HAUS6: variants seen among roughly 807,000 people sequenced by gnomAD.
HAUS6 encodes HAUS augmin like complex subunit 6.
HAUS6 carries 80 observed loss-of-function variants against 106.8 expected under a neutral mutation model. That is an observed-to-expected ratio of 0.75 (90% CI 0.63 to 0.90). The LOEUF is 0.90. Ranked by LOEUF, HAUS6 falls within the 40% of genes least tolerant of loss-of-function variation. HAUS6 has a pLI of 0.00. For synonymous variants in HAUS6, 356 were observed against 379.1 expected (o/e 0.94, Z 0.71); for missense variants, 1,155 against 1,118.1 (o/e 1.03, Z -0.47).
intron 2 of HAUS6, 87 bp from the exon 3 acceptor site, chr9:19,094,482 A>T: frequency 1.3e-6 from 1 of 742,536 alleles, no homozygotes; most frequent in Non-Finnish European, 2.3e-6. Context: ...AATCAAACTT[A>T]TTTCTAATAC....
At chr9:19,089,680 T>C (rs763353771) in intron 4 of HAUS6, 121 bp from the exon 5 acceptor site, 75 of 618,968 alleles carry the variant, frequency 1.2e-4, no homozygotes, top group Admixed American at 4.0e-4. Context: ...TAAATCTGAT[T>C]GACTTTTAAA....
chr9:19,080,174 C>CAAAAAA (rs746423003), intron 9 of HAUS6, among the ~76,000 whole-genome samples: 3 of 37,544 alleles, frequency 8.0e-5, no homozygotes, highest in Admixed American at 3.0e-4. Context: ...AACTCCGTCT[C>CAAAAAA]AAAAAAAAAA....
Position 19,063,048 on chromosome 9 carries a change from C to CG in HAUS6, c.1588_1589insC (p.Ser530ThrfsTer2). 2 of 1,611,428 alleles carry CG rather than the reference C, an allele frequency of 1.2e-6. No homozygotes were observed. Among genetic ancestry groups the CG allele is most frequent in the East Asian group, 4.5e-5 (2 of 44,848 alleles). On this transcript the variant is annotated frameshift_variant, in exon 14 of 17. Coordinates refer to ENST00000380502, the MANE Select transcript of HAUS6 (RefSeq NM_017645.5). LOFTEE classifies it high-confidence loss of function. ...ATCTTGCTCTTTTTGAAATGGATCA[C>CG]TTTTTTTAGCTGGCAAAGACCCTCC...
At position 19,057,950 on chromosome 9, in the gene HAUS6, T is replaced by G. The variant is rs769508319; in HGVS notation, c.2806+11A>C. On this transcript the variant is annotated intron_variant, in intron 16 of 16. Transcript: ENST00000380502. Reference sequence around the variant, plus strand: ...AACAGGTGAATATGCATAGGTCTATTTAAACCTTACCCTTTAAATTAGGTA... The same window carrying G: ...AACAGGTGAATATGCATAGGTCTATGTAAACCTTACCCTTTAAATTAGGTA... 6.5e-7 allele frequency: 1 copy of G among 1,549,960 alleles called. No homozygotes were observed.
chr9:19,099,502 T>C (rs187713862), intron 1 of HAUS6, among the ~76,000 whole-genome samples: 114 of 152,238 alleles, frequency 7.5e-4, no homozygotes, highest in African/African-American at 2.7e-3. Flanking sequence ...CTCACTCTTG[T>C]TACCCAGGCT....
intron 14 of HAUS6, 39 bp from the exon 15 acceptor site, chr9:19,060,262 G>A (rs1251681957): frequency 1.4e-6 from 2 of 1,464,480 alleles, no homozygotes; most frequent in Admixed American, 2.7e-5. Flanking sequence ...AGATTACCAA[G>A]CCCATTGGTA....
At chr9:19,057,319 A>G (rs1181747297) in intron 16 of HAUS6, 3 of 152,252 alleles carry the variant, frequency 2.0e-5, no homozygotes, top group African/African-American at 7.2e-5. Context: ...CCATGTGACA[A>G]TGGAGGCAAA....
At chr9:19,088,605 T>G (rs1478603583) in intron 5 of HAUS6, among the ~76,000 whole-genome samples, 1 of 150,806 alleles carries the variant, frequency 6.6e-6, no homozygotes, top group Non-Finnish European at 1.5e-5. Flanking sequence ...CAGTGGCTCA[T>G]GCCTGCAATC....
In HAUS6 at chr9:19,082,854, C is replaced by A; in HGVS notation, c.870+19G>T. On this transcript the variant is annotated intron_variant, in intron 8 of 16. Coordinates refer to ENST00000380502, the MANE Select transcript of HAUS6 (RefSeq NM_017645.5). Reference sequence around the variant, plus strand: ...TGATAGGAGTTTTCTCAAAAGCTTCCTTAATATCAAATGCTTACCTGAAAC... The same window carrying A: ...TGATAGGAGTTTTCTCAAAAGCTTCATTAATATCAAATGCTTACCTGAAAC... 1.5e-6 allele frequency: 2 copies of A among 1,352,594 alleles called. No individual in the cohort carries two copies. Among genetic ancestry groups the A allele is most frequent in the South Asian group, 1.7e-5 (1 of 59,472 alleles). The allele number at this position is 1,352,594 out of a possible 1,614,324, so 83.8% of individuals were successfully genotyped here.
chr9:19,102,418 T>A, intron 1 of HAUS6, 106 bp downstream of exon 1: 1 of 1,257,526 alleles, frequency 8.0e-7, no homozygotes, highest in Non-Finnish European at 1.1e-6. Flanking sequence ...ACAGAGTAAC[T>A]GCTCAACCAA....
intron 8 of HAUS6, among the ~76,000 whole-genome samples, chr9:19,081,096 CG>C (rs138939804): frequency 0.15 from 23,209 of 151,384 alleles, 2,244 homozygotes; most frequent in African/African-American, 0.28. Flanking sequence ...AAAAAAAAAG[CG>C]GGGGGAAAAA....
chr9:19,072,630 T>C lies in HAUS6; in HGVS notation c.1295-2330A>G, dbSNP rs879613310. ...TCTGAAAGACAAATAAATGTCAATC[T>C]AGAATTCTATATCCAACTAAACTAT... On this transcript the variant is annotated intron_variant, in intron 11 of 16. Transcript: ENST00000380502. Among the ~76,000 whole-genome samples the C allele has an allele frequency of 2.0e-5, 3 of 152,132 alleles. No homozygotes were observed. In the East Asian group the frequency reaches 5.8e-4, roughly 29 times the overall value.
intron 8 of HAUS6, among the ~76,000 whole-genome samples, chr9:19,082,082 T>C (rs1488343818): frequency 6.6e-6 from 1 of 152,222 alleles, no homozygotes; most frequent in Non-Finnish European, 1.5e-5. Flanking sequence ...GAGAGACTGC[T>C]GAAGTCATGA....
intron 1 of HAUS6, among the ~76,000 whole-genome samples, chr9:19,098,508 C>A (rs11790182): frequency 0.035 from 5,262 of 151,490 alleles, 113 homozygotes; most frequent in Non-Finnish European, 0.051. Context: ...TAGCCAGGTC[C>A]AATACAGTGG....
intron 8 of HAUS6, 122 bp downstream of exon 8, chr9:19,082,751 C>CAA (rs537493577): frequency 1.1e-4 from 56 of 505,432 alleles, no homozygotes; most frequent in Middle Eastern, 5.8e-4. Flanking sequence ...AATTCTGTCT[C>CAA]AAAAAAAAAA....
chr9:19,060,329 C>T, intron 14 of HAUS6, 106 bp from the exon 15 acceptor site: 1 of 799,426 alleles, frequency 1.3e-6, no homozygotes, highest in Non-Finnish European at 1.9e-6. Flanking sequence ...GCAGCCCCTC[C>T]CATTGCAGAC....
At chr9:19,062,700 C>T (rs1836653579) in intron 14 of HAUS6, among the ~76,000 whole-genome samples, 1 of 152,162 alleles carries the variant, frequency 6.6e-6, no homozygotes, top group African/African-American at 2.4e-5. Flanking sequence ...CTCAGTCTGT[C>T]ACTCAGGCTG....
intron 3 of HAUS6, among the ~76,000 whole-genome samples, chr9:19,093,741 T>C (rs1222222118): frequency 6.6e-6 from 1 of 152,096 alleles, no homozygotes. Flanking sequence ...TGGTAGTACA[T>C]GGCTGTAATC....
intron 4 of HAUS6, 65 bp from the exon 5 acceptor site, chr9:19,089,624 T>G: frequency 8.4e-7 from 1 of 1,186,134 alleles, no homozygotes; most frequent in Non-Finnish European, 1.2e-6. Flanking sequence ...TTATCAGAAA[T>G]GAACATTAGT....
Sources: allele counts gnomAD v4.1 joint callset (sites outside exome capture counted in the v4.1 genomes callset), GRCh38; gene constraint gnomAD v4.1.1; transcripts MANE v1.5; gene names NCBI Gene and HGNC (gene_info 2026-07-23, HGNC 2026-07-21).